Variants in NHSL2 observed in about 807,000 individuals in gnomAD.
NHSL2 encodes NHS like 2.
A neutral mutation model predicts 53.4 loss-of-function variants in NHSL2; 27 were observed. That is an observed-to-expected ratio of 0.51 (90% confidence interval 0.37 to 0.70). NHSL2 has a LOEUF of 0.70. Among genes scored for constraint, NHSL2 ranks in the 30% least tolerant of loss-of-function variants. The pLI is 0.00. For synonymous variants in NHSL2, 408 were observed against 404.1 expected, an observed-to-expected ratio of 1.01 and a Z score of -0.12; for missense variants, 892 against 980.1, an observed-to-expected ratio of 0.91 and a Z score of 1.20.
intron 1 of NHSL2, among the ~76,000 whole-genome samples, chrX:72,117,818 T>TTTTTTTTATTTATTTA (rs1556365650): frequency 1.0e-5 from 1 of 95,492 alleles, no homozygotes; most frequent in African/African-American, 3.8e-5. Flanking sequence ...TAGACCACAT[T>TTTTTTTTATTTATTTA]TTTATTTATT....
At chrX:72,085,307 T>G (rs1405409470) in intron 1 of NHSL2, among the ~76,000 whole-genome samples, 1 of 112,491 alleles carries the variant, frequency 8.9e-6, no homozygotes, top group Non-Finnish European at 1.9e-5. Context: ...GACCTAGCCC[T>G]GCAAGATAGC....
intron 1 of NHSL2, among the ~76,000 whole-genome samples, chrX:71,964,043 G>GTGTA (rs1319267507): frequency 1.9e-5 from 1 of 53,088 alleles, no homozygotes; most frequent in Non-Finnish European, 3.2e-5. Flanking sequence ...ATATATATAT[G>GTGTA]TATATATATA....
At chrX:71,922,642 A>G (rs1283132826) in intron 1 of NHSL2, among the ~76,000 whole-genome samples, 1 of 112,127 alleles carries the variant, frequency 8.9e-6, no homozygotes, top group Non-Finnish European at 1.9e-5. Flanking sequence ...CGAGAACTTG[A>G]CTGTATTTAA....
intron 1 of NHSL2, among the ~76,000 whole-genome samples, chrX:72,091,799 A>G (rs1157893590): frequency 9.0e-6 from 1 of 111,385 alleles, no homozygotes; most frequent in African/African-American, 3.3e-5. Flanking sequence ...CCACAAACCC[A>G]CGTGGTGCAA....
At chrX:72,082,970 A>G (rs1229911558) in intron 1 of NHSL2, among the ~76,000 whole-genome samples, 1 of 112,051 alleles carries the variant, frequency 8.9e-6, no homozygotes, top group Non-Finnish European at 1.9e-5. Flanking sequence ...GTTTTTTTTC[A>G]TGTTAACAGT....
chrX:71,978,828 T>C (rs1432649913), intron 1 of NHSL2, among the ~76,000 whole-genome samples: 2 of 106,758 alleles, frequency 1.9e-5, no homozygotes, highest in Non-Finnish European at 3.9e-5. Flanking sequence ...TTGTTACACA[T>C]GTATACATGT....
At chrX:72,043,619 T>G (rs1295741825) in intron 1 of NHSL2, among the ~76,000 whole-genome samples, 1 of 111,825 alleles carries the variant, frequency 8.9e-6, no homozygotes, top group Non-Finnish European at 1.9e-5. Flanking sequence ...AAACAGCTTC[T>G]TTAGTACAGA....
chrX:72,098,888 T>G (rs2041967346), intron 1 of NHSL2, among the ~76,000 whole-genome samples: 2 of 112,039 alleles, frequency 1.8e-5, no homozygotes, highest in Non-Finnish European at 3.8e-5. Flanking sequence ...TACTTGTGTG[T>G]CCTTGCAAAC....
intron 1 of NHSL2, among the ~76,000 whole-genome samples, chrX:71,973,187 T>C (rs2041933527): frequency 8.9e-6 from 1 of 111,899 alleles, no homozygotes; most frequent in African/African-American, 3.3e-5. Context: ...GCTTGAGGAA[T>C]GTTTTGCAGT....
rs956942984 is a variant in NHSL2, at chrX:72,132,109, C to T, written c.311C>T (p.Thr104Ile). The T allele has an allele frequency of 8.6e-6, 10 of 1,166,871 alleles. No homozygotes were observed. Among genetic ancestry groups the T allele is most frequent in the Non-Finnish European group, 1.1e-5 (10 of 872,363 alleles). ...AAANSGRENA[T>I]ATAHSRSSWR... ...GCTAACTCGGGTCGGGAAAATGCGACAGCGACTGCCCACTCGAGGTCGTCA... is the reference window on the plus strand; with the variant it reads ...GCTAACTCGGGTCGGGAAAATGCGATAGCGACTGCCCACTCGAGGTCGTCA... The change falls in exon 2 of 8, where the codon ACA becomes ATA. Residue 104 changes from threonine (T) to isoleucine (I), a missense_variant. Physicochemically the swap from Thr to Ile is moderately conservative, Grantham distance 89. Transcript: ENST00000633930.
rs77762141 is a variant in NHSL2 at position 71,949,799 on chromosome X, C to T, written c.280+38432C>T. ...AGCCCACAGCGCAAACATACAGGCT[C>T]ATCGGAAACTCGAAATCCCCCCTCT... On this transcript the variant is annotated intron_variant, in intron 1 of 7. Coordinates refer to ENST00000633930, the MANE Select transcript of NHSL2 (RefSeq NM_001013627.3). Among the ~76,000 whole-genome samples the T allele has an allele frequency of 8.3e-4, 94 of 113,087 alleles. No individual in the cohort carries two copies. The East Asian group carries it at 0.026, about 31-fold the overall frequency.
At chrX:71,913,634 A>G (rs1317937782) in intron 1 of NHSL2, among the ~76,000 whole-genome samples, 5 of 111,685 alleles carry the variant, frequency 4.5e-5, no homozygotes, top group African/African-American at 1.6e-4. Flanking sequence ...CTAGCTATTT[A>G]TTTTGACCAT....
chrX:72,112,888 C>T (rs1358430541), intron 1 of NHSL2, among the ~76,000 whole-genome samples: 2 of 111,401 alleles, frequency 1.8e-5, no homozygotes, highest in East Asian at 2.8e-4. Flanking sequence ...CAGCATTTCA[C>T]TCTGTTGGCC....
chrX:71,965,423 T>A (rs757466386), intron 1 of NHSL2, among the ~76,000 whole-genome samples: 1 of 112,609 alleles, frequency 8.9e-6, no homozygotes, highest in Non-Finnish European at 1.9e-5. Context: ...CAGTTGAGTA[T>A]ATGAGAGTAT....
chrX:72,012,904 C>T (rs1457008769), intron 1 of NHSL2, among the ~76,000 whole-genome samples: 2 of 112,449 alleles, frequency 1.8e-5, no homozygotes, highest in Non-Finnish European at 3.8e-5. Flanking sequence ...GTGTGTCTGT[C>T]CCTCCACCAA....
rs754318667 is a variant in NHSL2, at chrX:71,918,547, G to C, written c.280+7180G>C. On this transcript the variant is annotated intron_variant, in intron 1 of 7. Coordinates refer to ENST00000633930, the MANE Select transcript of NHSL2 (RefSeq NM_001013627.3). The stretch of plus-strand genomic sequence containing the variant: ...TCAAATTATTCCCCCAGACTAGGAG[G>C]CCCGGAGGTGATTGAGGTCTCCTTA... Among the ~76,000 whole-genome samples, 21 of 111,289 alleles carry C rather than the reference G, an allele frequency of 1.9e-4. No individual in the cohort carries two copies. In the South Asian group the frequency reaches 8.1e-3, roughly 43 times the overall value.
intron 1 of NHSL2, among the ~76,000 whole-genome samples, chrX:72,112,693 C>T (rs188652002): frequency 9.0e-6 from 1 of 111,467 alleles, no homozygotes; most frequent in Non-Finnish European, 1.9e-5. Context: ...GAACTTCATT[C>T]CTTTTTTTTT....
At chrX:71,968,803 A>T (rs1188473702) in intron 1 of NHSL2, among the ~76,000 whole-genome samples, 1 of 112,369 alleles carries the variant, frequency 8.9e-6, no homozygotes, top group Non-Finnish European at 1.9e-5. Context: ...CCATTTAATT[A>T]TCTTGATATC....
chrX:72,130,097 A>C, intron 1 of NHSL2: 1 of 1,211,139 alleles, frequency 8.3e-7, no homozygotes, highest in Admixed American at 2.2e-5. Flanking sequence ...GTGGGGCCAG[A>C]AGTCTGGGAT....
Sources: allele counts gnomAD v4.1 joint callset (sites outside exome capture counted in the v4.1 genomes callset), GRCh38; gene constraint gnomAD v4.1.1; transcripts MANE v1.5; gene names NCBI Gene and HGNC (gene_info 2026-07-23, HGNC 2026-07-21).